SYNE2: variants seen among roughly 807,000 people sequenced by gnomAD.
SYNE2 encodes spectrin repeat containing nuclear envelope protein 2, also known as nesprin-2.
SYNE2 carries 431 observed loss-of-function variants against 856.3 expected under a neutral mutation model. The ratio of observed to expected loss-of-function variants is 0.50; its 90% CI spans 0.47 to 0.55. The LOEUF (loss-of-function observed/expected upper bound fraction) is 0.55. SYNE2 is among the 20% of genes least tolerant of loss of function. The pLI, the probability that SYNE2 is intolerant of heterozygous loss-of-function variation, is 0.00. For missense variants in SYNE2, 8,129 were observed against 8,023.2 expected (o/e 1.01, Z -0.50); for synonymous variants, 2,923 against 2,872.3 (o/e 1.02, Z -0.56).
intron 6 of SYNE2, among the ~76,000 whole-genome samples, chr14:63,948,770 G>GTGTGTATATA (rs1555393662): frequency 5.0e-5 from 4 of 79,708 alleles, no homozygotes; most frequent in African/African-American, 2.0e-4. Flanking sequence ...GTATATATAT[G>GTGTGTATATA]TATGTGTGTG....
chr14:63,846,082 C>G (rs1890220991), intron 1 of SYNE2, among the ~76,000 whole-genome samples: 1 of 141,556 alleles, frequency 7.1e-6, no homozygotes. Flanking sequence ...AAGGTTCTGG[C>G]TCTGTTGCCC....
chr14:63,973,124 C>T (rs1420795545), intron 11 of SYNE2, among the ~76,000 whole-genome samples: 1 of 151,998 alleles, frequency 6.6e-6, no homozygotes, highest in Admixed American at 6.5e-5. Flanking sequence ...AGCATGGTGG[C>T]ACACACCTGT....
At chr14:63,767,801 C>A (rs1886741953) in intron 1 of SYNE2, among the ~76,000 whole-genome samples, 1 of 152,100 alleles carries the variant, frequency 6.6e-6, no homozygotes, top group Non-Finnish European at 1.5e-5. Flanking sequence ...ATTTGTTAAG[C>A]CACTATTTGA....
intron 9 of SYNE2, 85 bp from the exon 10 acceptor site, chr14:63,963,814 A>G: frequency 1.2e-6 from 1 of 830,228 alleles, no homozygotes; most frequent in East Asian, 2.7e-5. Flanking sequence ...GCATTATTTC[A>G]CTGATGTTTC....
intron 61 of SYNE2, 82 bp from the exon 62 acceptor site, chr14:64,097,867 C>A: frequency 7.1e-7 from 1 of 1,411,568 alleles, no homozygotes; most frequent in Non-Finnish European, 1.0e-6. Context: ...ATCTTCAGCC[C>A]TTGTACCAAA....
At chr14:64,188,453 C>A (rs1810258196) in intron 97 of SYNE2, 97 bp from the exon 98 acceptor site, 4 of 1,390,932 alleles carry the variant, frequency 2.9e-6, no homozygotes, top group Non-Finnish European at 4.1e-6. Context: ...CGGAGAGCTA[C>A]TGATTAAAAT....
chr14:63,834,643 C>CTT lies in SYNE2; in HGVS notation c.-304-17843_-304-17842dup, dbSNP rs368369862. On this transcript the variant is annotated intron_variant, in intron 1 of 23. Coordinates refer to the SYNE2 transcript ENST00000674003. The stretch of plus-strand genomic sequence containing the variant: ...GCATTTGTCCAATTTCTTTTTCTTT[C>CTT]TTTTTTTTTTTTTTTTGAGATAGAG... Among the ~76,000 whole-genome samples the CTT allele has an allele frequency of 4.7e-3, 640 of 134,926 alleles. 3 individuals carry two copies. The highest frequency in any genetic ancestry group is 0.012 in the African/African-American group (439 of 36,458). 88.5% of individuals were successfully genotyped at this position (134,926 alleles called of 152,430 possible).
chr14:63,964,259 T>C (rs1168161884), intron 10 of SYNE2, among the ~76,000 whole-genome samples: 1 of 152,220 alleles, frequency 6.6e-6, no homozygotes, highest in Non-Finnish European at 1.5e-5. Context: ...TCTCAGGTGA[T>C]GTTGATTCAG....
At chr14:64,050,678 G>T (rs890225092) in intron 47 of SYNE2, among the ~76,000 whole-genome samples, 1 of 151,994 alleles carries the variant, frequency 6.6e-6, no homozygotes, top group Non-Finnish European at 1.5e-5. Flanking sequence ...GATGGCAAAT[G>T]GTATTAAATT....
At chr14:63,820,263 A>T (rs1407086641) in intron 1 of SYNE2, among the ~76,000 whole-genome samples, 1 of 152,242 alleles carries the variant, frequency 6.6e-6, no homozygotes, top group Non-Finnish European at 1.5e-5. Context: ...AAATAAACCC[A>T]TACATATATG....
At chr14:63,942,246 C>A in intron 6 of SYNE2, 103 bp downstream of exon 6, 1 of 758,942 alleles carries the variant, frequency 1.3e-6, no homozygotes, top group Non-Finnish European at 2.3e-6. Flanking sequence ...TGAGCTTCTC[C>A]TATAAATAGG....
chr14:63,978,545 G>A (rs1001770157), intron 13 of SYNE2, among the ~76,000 whole-genome samples: 1 of 152,156 alleles, frequency 6.6e-6, no homozygotes, highest in Non-Finnish European at 1.5e-5. Context: ...ATTAAGTTAT[G>A]TGGAAGTTTT....
intron 1 of SYNE2, among the ~76,000 whole-genome samples, chr14:63,891,858 G>C (rs927993349): frequency 3.9e-5 from 6 of 152,000 alleles, no homozygotes. Context: ...AATTTGGGTC[G>C]GTTATAGTAG....
intron 2 of SYNE2, among the ~76,000 whole-genome samples, chr14:63,927,585 G>A (rs975835240): frequency 2.0e-5 from 3 of 151,754 alleles, no homozygotes; most frequent in Admixed American, 6.6e-5. Context: ...ATTCTCTCTT[G>A]TCTGCCACCA....
At chr14:63,837,848 G>A (rs938041643) in intron 1 of SYNE2, among the ~76,000 whole-genome samples, 16 of 143,504 alleles carry the variant, frequency 1.1e-4, no homozygotes, top group African/African-American at 3.9e-4. Flanking sequence ...GAGCTCAGGA[G>A]GCAGAGGTTT....
At chr14:64,118,431 C>T (rs1253328095) in intron 66 of SYNE2, among the ~76,000 whole-genome samples, 1 of 152,152 alleles carries the variant, frequency 6.6e-6, no homozygotes, top group South Asian at 2.1e-4. Flanking sequence ...CAAATTATTT[C>T]TTCTATGGTG....
intron 113 of SYNE2, 92 bp downstream of exon 113, chr14:64,223,472 A>G: frequency 2.0e-6 from 3 of 1,473,864 alleles, no homozygotes; most frequent in Non-Finnish European, 2.8e-6. Context: ...GACAGAGGCC[A>G]GAAGCAAGGG....
At chr14:63,951,912 A>G (rs1245134763) in intron 7 of SYNE2, among the ~76,000 whole-genome samples, 2 of 152,244 alleles carry the variant, frequency 1.3e-5, no homozygotes, top group Admixed American at 6.5e-5. Flanking sequence ...TCAACTGTAG[A>G]GCTTATGCTA....
At chr14:63,993,143 C>A (rs1211829062) in intron 21 of SYNE2, among the ~76,000 whole-genome samples, 3 of 152,186 alleles carry the variant, frequency 2.0e-5, no homozygotes, top group African/African-American at 7.2e-5. Flanking sequence ...ATGAGTGGCC[C>A]TGGGCAAAAC....
Sources: allele counts gnomAD v4.1 joint callset (sites outside exome capture counted in the v4.1 genomes callset), GRCh38; gene constraint gnomAD v4.1.1; transcripts MANE v1.5; gene names NCBI Gene and HGNC (gene_info 2026-07-23, HGNC 2026-07-21).